COPG2: variants seen among roughly 807,000 people sequenced by gnomAD.
COPG2 encodes coat protein complex I subunit gamma 2.
Under a neutral mutation model 46.3 loss-of-function variants are expected in COPG2, and 37 were observed. The observed-to-expected ratio is 0.80, with a 90% CI of 0.61 to 1.05. COPG2 has a LOEUF of 1.05. Ranked by LOEUF, COPG2 falls within the 50% of genes least tolerant of loss-of-function variation. The pLI is 0.00. For synonymous variants in COPG2, 159 were observed against 129.7 expected (o/e 1.23, Z -1.53); for missense variants, 427 against 387.8 (o/e 1.10, Z -0.85).
intron 4 of COPG2, among the ~76,000 whole-genome samples, chr7:130,657,723 A>C (rs572836083): frequency 6.6e-6 from 1 of 152,340 alleles, no homozygotes; most frequent in African/African-American, 2.4e-5. Context: ...AATGGGCAAA[A>C]GATATTAACA....
At chr7:130,668,469 G>A (rs1342508316) in intron 1 of COPG2, among the ~76,000 whole-genome samples, 163 bp downstream of exon 1, 4 of 149,658 alleles carry the variant, frequency 2.7e-5, no homozygotes, top group Admixed American at 6.6e-5. Context: ...CTACGGGCAG[G>A]CCCCGGGCAG....
chr7:130,583,829 A>AAG (rs1554447611), intron 9 of COPG2, among the ~76,000 whole-genome samples: 53 of 145,094 alleles, frequency 3.7e-4, no homozygotes, highest in Non-Finnish European at 7.4e-4. Flanking sequence ...AAAAAAAAAA[A>AAG]AAAAAAGTCC....
At chr7:130,603,829 C>T (rs1390182083) in intron 9 of COPG2, 1 of 519,316 alleles carries the variant, frequency 1.9e-6, no homozygotes, top group Admixed American at 1.9e-5. Context: ...GTGCCAACCC[C>T]CATGTAGCTG....
At chr7:130,646,897 T>G (rs1795604395) in intron 5 of COPG2, among the ~76,000 whole-genome samples, 1 of 150,044 alleles carries the variant, frequency 6.7e-6, no homozygotes. Flanking sequence ...CTTTATAAAT[T>G]ACCCAGTCTC....
intron 22 of COPG2, 84 bp from the exon 23 acceptor site, chr7:130,507,456 G>C (rs1247732751): frequency 1.3e-6 from 1 of 758,506 alleles, no homozygotes; most frequent in Non-Finnish European, 2.5e-6. Flanking sequence ...TGGGAGCTGG[G>C]GTGGAAGGGT....
At chr7:130,547,136 G>C (rs1793457975) in intron 20 of COPG2, 1 of 152,206 alleles carries the variant, frequency 6.6e-6, no homozygotes, top group Non-Finnish European at 1.5e-5. Flanking sequence ...GGGTCAAGGA[G>C]GGAATTAAAA....
At chr7:130,602,267 C>T (rs1260245199) in intron 9 of COPG2, among the ~76,000 whole-genome samples, 6 of 152,132 alleles carry the variant, frequency 3.9e-5, no homozygotes, top group Non-Finnish European at 7.4e-5. Flanking sequence ...TTTTCCTTAT[C>T]AATTTTCAAT....
At chr7:130,615,109 A>G (rs1227251639) in intron 6 of COPG2, among the ~76,000 whole-genome samples, 1 of 152,224 alleles carries the variant, frequency 6.6e-6, no homozygotes, top group Non-Finnish European at 1.5e-5. Context: ...CATGAAGGTC[A>G]TGGATACGGT....
intron 5 of COPG2, 32 bp from the exon 6 acceptor site, chr7:130,617,097 C>T (rs782304098): frequency 7.0e-7 from 1 of 1,420,080 alleles, no homozygotes. Flanking sequence ...AACATAAGAT[C>T]AATTAAAATC....
rs374885618 is a variant in COPG2 at position 130,506,647 on chromosome 7, G to A, written c.*29C>T. The A allele has an allele frequency of 2.6e-6, 2 of 772,532 alleles. No individual in the cohort carries two copies. The highest frequency in any genetic ancestry group is 4.8e-6 in the Non-Finnish European group (2 of 414,116). The allele number at this position is 772,532 out of a possible 1,614,324, so 47.9% of individuals were successfully genotyped here. On this transcript the variant is annotated 3_prime_UTR_variant, in exon 24 of 24. Coordinates refer to ENST00000425248, the MANE Select transcript of COPG2 (RefSeq NM_012133.6). ...TAAAAGCCCACTGACCATGTAGTGTGCATCAGTTTCCTCTTGTCCAGTAAG... is the reference window on the plus strand; with the variant it reads ...TAAAAGCCCACTGACCATGTAGTGTACATCAGTTTCCTCTTGTCCAGTAAG...
At chr7:130,513,323 A>ATATGTGTGTGTGTGTGTG (rs1554441301) in intron 20 of COPG2, among the ~76,000 whole-genome samples, 19 of 48,320 alleles carry the variant, frequency 3.9e-4, no homozygotes, top group African/African-American at 1.0e-3. Context: ...ATATATATAT[A>ATATGTGTGTGTGTGTGTG]TATATATATA....
At chr7:130,523,625 A>G (rs1209497543) in intron 20 of COPG2, among the ~76,000 whole-genome samples, 4 of 152,184 alleles carry the variant, frequency 2.6e-5, no homozygotes, top group East Asian at 1.9e-4. Flanking sequence ...TGAAAAGGCA[A>G]TGGGACCACG....
chr7:130,546,489 T>C (rs1199218308), intron 20 of COPG2, among the ~76,000 whole-genome samples: 10 of 152,130 alleles, frequency 6.6e-5, no homozygotes, highest in Non-Finnish European at 8.8e-5. Flanking sequence ...AGGAGAAATA[T>C]TGGAGGCCAG....
intron 5 of COPG2, among the ~76,000 whole-genome samples, chr7:130,644,299 G>C (rs1403746488): frequency 6.6e-6 from 1 of 152,124 alleles, no homozygotes; most frequent in Non-Finnish European, 1.5e-5. Context: ...TATCCCTTTT[G>C]CATCTAATCA....
At chr7:130,559,786 G>A (rs1793688809) in intron 12 of COPG2, among the ~76,000 whole-genome samples, 1 of 152,152 alleles carries the variant, frequency 6.6e-6, no homozygotes, top group African/African-American at 2.4e-5. Flanking sequence ...GCACAAAACT[G>A]TCTGCTTGAA....
intron 20 of COPG2, among the ~76,000 whole-genome samples, chr7:130,540,915 A>T (rs996037353): frequency 2.4e-3 from 359 of 152,276 alleles, no homozygotes; most frequent in African/African-American, 8.4e-3. Flanking sequence ...GGGAAAAAAA[A>T]TAGCAGTCTC....
chr7:130,526,395 C>T (rs1200396404), intron 20 of COPG2, among the ~76,000 whole-genome samples: 2 of 152,070 alleles, frequency 1.3e-5, no homozygotes, highest in East Asian at 3.9e-4. Flanking sequence ...GGGCCACAGA[C>T]AGGCAGGTAC....
At chr7:130,603,840 CA>C in intron 9 of COPG2, 2 of 519,056 alleles carry the variant, frequency 3.9e-6, no homozygotes, top group Non-Finnish European at 7.7e-6. Flanking sequence ...CATGTAGCTG[CA>C]AATTCACATG....
At chr7:130,531,670 G>A (rs1799826736) in intron 20 of COPG2, among the ~76,000 whole-genome samples, 2 of 152,162 alleles carry the variant, frequency 1.3e-5, no homozygotes, top group African/African-American at 4.8e-5. Context: ...GAGAGTGCCA[G>A]GCCTATTTGA....
Sources: allele counts gnomAD v4.1 joint callset (sites outside exome capture counted in the v4.1 genomes callset), GRCh38; gene constraint gnomAD v4.1.1; transcripts MANE v1.5; gene names NCBI Gene and HGNC (gene_info 2026-07-23, HGNC 2026-07-21).